Variants in PPP2R2C observed in about 807,000 individuals in gnomAD.
PPP2R2C encodes the protein protein phosphatase 2 regulatory subunit Bgamma.
In PPP2R2C, 10 loss-of-function variants were observed where a neutral mutation model predicts 45.3. That is an observed-to-expected ratio of 0.22 (90% CI 0.14 to 0.37). The LOEUF (loss-of-function observed/expected upper bound fraction) is 0.37. PPP2R2C is among the 10% of genes least tolerant of loss of function. The pLI is 1.00. For synonymous variants in PPP2R2C, 257 were observed against 245.4 expected (o/e 1.05, Z -0.44); for missense variants, 308 against 619.7 (o/e 0.50, Z 5.34).
chr4:6,511,294 ATGGTGG>A (rs1483654804), intron 2 of PPP2R2C, among the ~76,000 whole-genome samples: 12 of 121,254 alleles, frequency 9.9e-5, no homozygotes, highest in African/African-American at 3.4e-4. Flanking sequence ...GCTGATGCTG[ATGGTGG>A]TGGTGATGGT....
chr4:6,463,007 G>A (rs997820320), intron 1 of PPP2R2C, among the ~76,000 whole-genome samples: 3 of 152,224 alleles, frequency 2.0e-5, no homozygotes, highest in Admixed American at 1.3e-4. Context: ...GGGACAGAGG[G>A]AGGGGGGAAG....
At position 6,484,634 on chromosome 4, in the gene PPP2R2C, C is replaced by A. The variant is rs1560579666; in HGVS notation, c.49+50637G>T. On this transcript the variant is annotated intron_variant, in intron 2 of 9. Transcript: ENST00000506140. ...TCCACTCCCATAGTATATCTCTCCA[C>A]TCATTTAGGTCTTCTTTAATTTCTA... Among the ~76,000 whole-genome samples, 4 of 151,898 alleles carry A rather than the reference C, an allele frequency of 2.6e-5. No individual in the cohort carries two copies. The South Asian group carries it at 6.2e-4, about 24-fold the overall frequency.
chr4:6,517,246 C>G (rs185310643), intron 2 of PPP2R2C, among the ~76,000 whole-genome samples: 1 of 152,200 alleles, frequency 6.6e-6, no homozygotes, highest in Non-Finnish European at 1.5e-5. Flanking sequence ...ACACCTTGCC[C>G]GGCACCTGCC....
intron 1 of PPP2R2C, among the ~76,000 whole-genome samples, chr4:6,430,584 C>G (rs1029904967): frequency 1.3e-5 from 2 of 152,146 alleles, no homozygotes; most frequent in African/African-American, 4.8e-5. Flanking sequence ...GTTCATTTAG[C>G]AGAATCAGGC....
In PPP2R2C at chr4:6,368,840, C is replaced by T. The variant is rs913891861; in HGVS notation, c.625+3683G>A. 1.3e-5 allele frequency among the ~76,000 whole-genome samples: 2 copies of T among 152,222 alleles called. No homozygotes were observed. The highest frequency in any genetic ancestry group is 1.9e-4 in the East Asian group (1 of 5,172). On this transcript the variant is annotated intron_variant, in intron 5 of 8. Coordinates refer to ENST00000382599, the MANE Select transcript of PPP2R2C (RefSeq NM_020416.4). This position sits in a 1 kb window ranked among gnomAD's most constrained non-coding sequence, Gnocchi z 4.2. ...CCAATCCACCCACGACACACACCCA[C>T]GACATACACACCTCCAAAGCTGGCT...
At chr4:6,467,910 A>G (rs73207856) in intron 1 of PPP2R2C, among the ~76,000 whole-genome samples, 28,706 of 152,050 alleles carry the variant, frequency 0.19, 2,998 homozygotes, top group East Asian at 0.38. Flanking sequence ...CCCTGTTCCC[A>G]TCACAAGAGA....
At chr4:6,326,268 G>A (rs1731929221) in intron 8 of PPP2R2C, among the ~76,000 whole-genome samples, 1 of 152,180 alleles carries the variant, frequency 6.6e-6, no homozygotes, top group Admixed American at 6.5e-5. Context: ...GAAGCAGGGA[G>A]GAGCGGAGAT....
At chr4:6,349,829 T>C in intron 5 of PPP2R2C, 2 of 932,930 alleles carry the variant, frequency 2.1e-6, no homozygotes, top group Non-Finnish European at 1.3e-6. Context: ...AGGTGGATGT[T>C]GCAGTTAGCC....
At chr4:6,465,563 A>T (rs1202864085) in intron 1 of PPP2R2C, among the ~76,000 whole-genome samples, 1 of 152,158 alleles carries the variant, frequency 6.6e-6, no homozygotes. Context: ...AGCAAAGGAA[A>T]AGCATCATTA....
At chr4:6,402,262 C>T (rs1176798614) in intron 1 of PPP2R2C, among the ~76,000 whole-genome samples, 1 of 152,244 alleles carries the variant, frequency 6.6e-6, no homozygotes, top group South Asian at 2.1e-4. Flanking sequence ...ACCCATCTGA[C>T]TTCCAGCCCT....
intron 1 of PPP2R2C, among the ~76,000 whole-genome samples, chr4:6,407,246 G>C (rs1717857996): frequency 6.6e-6 from 1 of 152,210 alleles, no homozygotes; most frequent in South Asian, 2.1e-4. Context: ...GAATGTTGAT[G>C]GTGTGCCACA....
At chr4:6,444,902 A>G (rs1461654087) in intron 1 of PPP2R2C, among the ~76,000 whole-genome samples, 2 of 152,214 alleles carry the variant, frequency 1.3e-5, no homozygotes. Context: ...AAACCTCTCC[A>G]GCCTGGGCAC....
rs976755379 is a variant in PPP2R2C, at chr4:6,369,101, G to A, written c.625+3422C>T. Among the ~76,000 whole-genome samples, 11 of 152,204 alleles carry A rather than the reference G, an allele frequency of 7.2e-5. 1 individual carries two copies. The highest frequency in any genetic ancestry group is 2.6e-4 in the Admixed American group (4 of 15,286). On this transcript the variant is annotated intron_variant, in intron 5 of 8. Transcript: ENST00000382599. ...AGAGAGAACCAGCTTCAGGGTCTAA[G>A]GGCAACCTGGAGAGAGGCTGCAGCG...
intron 2 of PPP2R2C, among the ~76,000 whole-genome samples, chr4:6,521,682 T>C (rs568155776): frequency 1.6e-3 from 245 of 152,326 alleles, no homozygotes; most frequent in African/African-American, 5.5e-3. Flanking sequence ...ACACAGGAGC[T>C]GGTACCGCTT....
chr4:6,398,197 C>T (rs1411639031), intron 1 of PPP2R2C, among the ~76,000 whole-genome samples: 3 of 152,196 alleles, frequency 2.0e-5, no homozygotes, highest in Admixed American at 2.0e-4. Flanking sequence ...AAACTCCTTG[C>T]AACTTCGATT....
intron 2 of PPP2R2C, among the ~76,000 whole-genome samples, chr4:6,532,013 C>T (rs1724420417): frequency 6.6e-6 from 1 of 152,232 alleles, no homozygotes; most frequent in African/African-American, 2.4e-5. Flanking sequence ...GTAAATTATT[C>T]TTTGAGGATC....
chr4:6,475,838 G>A (rs750285216), upstream of PPP2R2C, among the ~76,000 whole-genome samples: 4 of 152,250 alleles, frequency 2.6e-5, no homozygotes, highest in Non-Finnish European at 5.9e-5. Flanking sequence ...TGCACAGGCT[G>A]AAGCCCTAAC....
chr4:6,355,993 G>GAAA (rs61011461), intron 5 of PPP2R2C, among the ~76,000 whole-genome samples: 65 of 97,868 alleles, frequency 6.6e-4, no homozygotes, highest in African/African-American at 1.9e-3. Flanking sequence ...ACTCTGCCTG[G>GAAA]AAAAAAAAAA....
chr4:6,376,035 G>A (rs1560494582), intron 3 of PPP2R2C, 104 bp from the exon 4 acceptor site: 1 of 955,990 alleles, frequency 1.0e-6, no homozygotes. Flanking sequence ...CCTGGGGAAG[G>A]AGGGGGTTCT....
Sources: gnomAD v4.1 joint callset for allele counts (sites outside exome capture counted in the v4.1 genomes callset) on GRCh38, gnomAD v4.1.1 for gene constraint, Gnocchi (gnomAD v3.1) non-coding constraint, MANE v1.5 for transcripts, NCBI Gene and HGNC (gene_info 2026-07-23, HGNC 2026-07-21) for gene names.